MON2: variants seen among roughly 807,000 people sequenced by gnomAD.
MON2 encodes MON2 regulator of endosome-to-Golgi trafficking, also known as protein MON2 homolog.
A neutral mutation model predicts 208.6 loss-of-function variants in MON2; 84 were observed. That is an observed-to-expected ratio of 0.40 (90% CI 0.34 to 0.48). MON2 has a LOEUF of 0.48. Among genes scored for constraint, MON2 ranks in the 20% least tolerant of loss-of-function variants. MON2 has a pLI of 0.59. For missense variants in MON2, 1,611 were observed against 2,015.4 expected (o/e 0.80, Z 3.84); for synonymous variants, 660 against 694.0 (o/e 0.95, Z 0.77).
At chr12:62,540,013 C>T (rs2073162696) in intron 19 of MON2, among the ~76,000 whole-genome samples, 2 of 151,970 alleles carry the variant, frequency 1.3e-5, no homozygotes, top group East Asian at 3.9e-4. Flanking sequence ...TAAATCAGGG[C>T]AAGGATAATA....
At chr12:62,547,111 AAAATAAAATAT>A (rs774940904) in intron 22 of MON2, 39 bp downstream of exon 22, 78 of 1,250,392 alleles carry the variant, frequency 6.2e-5, no homozygotes, top group Non-Finnish European at 7.7e-5. Context: ...ATATGTATGA[AAAATAAAATAT>A]AAATAAAATA....
rs148114740 is a variant in MON2 at position 62,552,968 on chromosome 12, G to A, written c.3004G>A (p.Glu1002Lys). The A allele has an allele frequency of 0.011, 18,429 of 1,614,192 alleles. 136 individuals carry two copies. Among genetic ancestry groups the A allele is most frequent in the Middle Eastern group, 0.031 (186 of 6,062 alleles). Reference sequence around the variant, plus strand: ...AGAGGCAGCACAGCAAAAGCAGGCAGAAGAGAAAGGAGTTGTTTTAAATCG... The same window carrying A: ...AGAGGCAGCACAGCAAAAGCAGGCAAAAGAGAAAGGAGTTGTTTTAAATCG... ...KEEAAQQKQA[E>K]EKGVVLNRPF... Residue 1002 changes from glutamate (E) to lysine (K), a missense_variant, in exon 24 of 35, where the codon GAA becomes AAA. Transcript: ENST00000393630.
intron 4 of MON2, among the ~76,000 whole-genome samples, chr12:62,495,549 G>C (rs1007152767): frequency 6.6e-6 from 1 of 152,070 alleles, no homozygotes. Context: ...AATTAGCCAG[G>C]TGTAGTGGCG....
intron 23 of MON2, among the ~76,000 whole-genome samples, chr12:62,551,335 T>A (rs2073733368): frequency 6.6e-6 from 1 of 152,128 alleles, no homozygotes; most frequent in Admixed American, 6.5e-5. Context: ...ACTGTTGTTG[T>A]ATCTCAAGAA....
At chr12:62,496,014 G>T (rs1385326981) in intron 4 of MON2, among the ~76,000 whole-genome samples, 1 of 152,028 alleles carries the variant, frequency 6.6e-6, no homozygotes, top group Non-Finnish European at 1.5e-5. Context: ...AGCAGTAAAT[G>T]AATTATAGTC....
chr12:62,505,898 G>GA (rs1039484181), intron 7 of MON2, among the ~76,000 whole-genome samples: 15 of 151,458 alleles, frequency 9.9e-5, no homozygotes, highest in Admixed American at 2.0e-4. Flanking sequence ...TTCAAAAACA[G>GA]AAAAAAACAA....
At chr12:62,472,976 CAT>C (rs1420246304) in intron 1 of MON2, among the ~76,000 whole-genome samples, 1 of 150,428 alleles carries the variant, frequency 6.6e-6, no homozygotes. Context: ...AAAAGGAAGA[CAT>C]ATTTCAAAAT....
At chr12:62,497,558 A>G (rs150662173) in intron 4 of MON2, among the ~76,000 whole-genome samples, 2 of 152,204 alleles carry the variant, frequency 1.3e-5, no homozygotes, top group African/African-American at 4.8e-5. Flanking sequence ...AAATTCACGT[A>G]TACTGCTGGC....
At chr12:62,492,975 C>T (rs957318726) in intron 2 of MON2, among the ~76,000 whole-genome samples, 1 of 151,668 alleles carries the variant, frequency 6.6e-6, no homozygotes, top group African/African-American at 2.4e-5. Flanking sequence ...AAGATTCCAT[C>T]TCAGAAAAAC....
chr12:62,498,877 T>C, intron 4 of MON2, 42 bp from the exon 5 acceptor site: 1 of 1,548,824 alleles, frequency 6.5e-7, no homozygotes. Context: ...ATGGCTTTGC[T>C]TTTCAATCTT....
In MON2 at chr12:62,571,580, A is replaced by G. The variant is rs1162735546; in HGVS notation, c.4512A>G (p.Lys1504=). Residue 1504 remains lysine, a splice_region_variant and synonymous_variant, in exon 30 of 35, where the codon AAA becomes AAG. Transcript: ENST00000393630. ...ANTFEDFLFT[K]SIPPDNLSIQ... Reference sequence around the variant, plus strand: ...CTTTTGAAGATTTTCTCTTTACTAAAAGGTCAGCTCATTCATTTTTAAAAT... The same window carrying G: ...CTTTTGAAGATTTTCTCTTTACTAAGAGGTCAGCTCATTCATTTTTAAAAT... 1 of 1,605,536 alleles carries G rather than the reference A, an allele frequency of 6.2e-7. No individual in the cohort carries two copies. The highest frequency in any genetic ancestry group is 1.1e-5 in the South Asian group (1 of 88,896).
intron 8 of MON2, among the ~76,000 whole-genome samples, chr12:62,517,206 A>G (rs1592933290): frequency 6.6e-6 from 1 of 152,328 alleles, no homozygotes; most frequent in Non-Finnish European, 1.5e-5. Flanking sequence ...CATTAAGTTA[A>G]GACTATAGGA....
intron 8 of MON2, among the ~76,000 whole-genome samples, chr12:62,511,885 A>G (rs551279747): frequency 1.3e-5 from 2 of 152,320 alleles, no homozygotes; most frequent in African/African-American, 4.8e-5. Flanking sequence ...AAAGAGATTT[A>G]TTGGACTTAC....
intron 2 of MON2, among the ~76,000 whole-genome samples, chr12:62,493,037 A>G (rs1592858699): frequency 2.0e-5 from 3 of 148,902 alleles, no homozygotes; most frequent in East Asian, 3.9e-4. Context: ...ACATACACAC[A>G]TACACACACA....
chr12:62,512,727 T>A (rs1187662088), intron 8 of MON2, among the ~76,000 whole-genome samples: 1 of 152,234 alleles, frequency 6.6e-6, no homozygotes, highest in Non-Finnish European at 1.5e-5. Flanking sequence ...GTAGGGACTC[T>A]GTGTGGGGGC....
chr12:62,544,110 C>G (rs2073370051), intron 20 of MON2, among the ~76,000 whole-genome samples: 1 of 152,072 alleles, frequency 6.6e-6, no homozygotes, highest in Non-Finnish European at 1.5e-5. Flanking sequence ...TACCATAGTT[C>G]TTTTGTGTTA....
At chr12:62,561,210 A>C (rs73124303) in intron 26 of MON2, 97 bp downstream of exon 26, 42,883 of 1,021,882 alleles carry the variant, frequency 0.042, 1,108 homozygotes, top group Middle Eastern at 0.056. Flanking sequence ...TAGATCATCA[A>C]GATTGTTTTA....
chr12:62,576,363 G>A (rs1444800153), intron 30 of MON2, among the ~76,000 whole-genome samples: 1 of 151,756 alleles, frequency 6.6e-6, no homozygotes, highest in Non-Finnish European at 1.5e-5. Context: ...TTTTTGGGGG[G>A]GTGATCAAAA....
intron 8 of MON2, among the ~76,000 whole-genome samples, chr12:62,510,827 C>T (rs1172528712): frequency 6.6e-6 from 1 of 152,112 alleles, no homozygotes; most frequent in Non-Finnish European, 1.5e-5. Context: ...AAAAGGCATC[C>T]ACATTGGAAA....
Sources: gnomAD v4.1 joint callset for allele counts (sites outside exome capture counted in the v4.1 genomes callset) on GRCh38, gnomAD v4.1.1 for gene constraint, MANE v1.5 for transcripts, NCBI Gene and HGNC (gene_info 2026-07-23, HGNC 2026-07-21) for gene names.